Variants in ADAMTS17 observed in about 807,000 individuals in gnomAD.
The protein encoded by ADAMTS17 is A disintegrin and metalloproteinase with thrombospondin motifs 17.
A neutral mutation model predicts 141.5 loss-of-function variants in ADAMTS17; 113 were observed. That is an observed-to-expected ratio of 0.80 (90% CI 0.69 to 0.93). ADAMTS17 has a LOEUF of 0.93. ADAMTS17 is among the 40% of genes least tolerant of loss of function. The probability of loss-of-function intolerance (pLI) is 0.00; values close to 1 mark genes in which losing one functional copy is unlikely to be tolerated. For synonymous variants in ADAMTS17, 768 were observed against 630.6 expected, an observed-to-expected ratio of 1.22 and a Z score of -3.27; for missense variants, 1,659 against 1,517.9, an observed-to-expected ratio of 1.09 and a Z score of -1.54.
At chr15:100,290,371 T>C (rs1341122754) in intron 3 of ADAMTS17, among the ~76,000 whole-genome samples, 1 of 152,124 alleles carries the variant, frequency 6.6e-6, no homozygotes, top group Non-Finnish European at 1.5e-5. Context: ...CACAAACAAA[T>C]GGAAAATCAT....
intron 3 of ADAMTS17, among the ~76,000 whole-genome samples, chr15:100,330,284 A>G (rs920263890): frequency 8.5e-5 from 13 of 152,200 alleles, no homozygotes; most frequent in African/African-American, 1.9e-4. Context: ...GTGCATGGCA[A>G]GTTTTAAAGC....
Position 99,993,219 on chromosome 15 carries a change from A to G in ADAMTS17, c.2797-19T>C, listed in dbSNP as rs781616321. On this transcript the variant is annotated intron_variant, in intron 19 of 21. Transcript: ENST00000268070. The surrounding 1 kb of genome is among the most constrained non-coding windows in gnomAD (Gnocchi z 4.3). ...CAGAGCACTGCAAGACACCATTCAA[A>G]TATTTAACCGAGTTCCAATTCGATT... The G allele has an allele frequency of 6.2e-7, 1 of 1,614,054 alleles. No individual in the cohort carries two copies. The highest frequency in any genetic ancestry group is 8.5e-7 in the Non-Finnish European group (1 of 1,180,032).
intron 15 of ADAMTS17, among the ~76,000 whole-genome samples, chr15:100,070,609 C>CA (rs2033899262): frequency 6.7e-6 from 1 of 150,074 alleles, no homozygotes; most frequent in African/African-American, 2.5e-5. Context: ...TGCTCAACTA[C>CA]ATGGAAACTG....
chr15:100,109,997 G>A (rs1300381244), intron 13 of ADAMTS17, among the ~76,000 whole-genome samples: 2 of 151,880 alleles, frequency 1.3e-5, no homozygotes, highest in Non-Finnish European at 2.9e-5. Flanking sequence ...TATCTGAAGG[G>A]ATTTATTATA....
intron 8 of ADAMTS17, among the ~76,000 whole-genome samples, chr15:100,158,093 T>A (rs898586938): frequency 2.4e-4 from 36 of 152,182 alleles, no homozygotes; most frequent in African/African-American, 8.4e-4. Context: ...TTCACCATGT[T>A]GGCCAGGATG....
chr15:99,974,230 CAA>C lies in ADAMTS17; in HGVS notation c.*170_*171del. 2 of 759,642 alleles carry C rather than the reference CAA, an allele frequency of 2.6e-6. No homozygotes were observed. Among genetic ancestry groups the C allele is most frequent in the Non-Finnish European group, 4.3e-6 (2 of 469,076 alleles). The allele number at this position is 759,642 out of a possible 1,614,324, so 47.1% of individuals were successfully genotyped here. ...TAGAAAGCCAGCCAGTGGCTGTTAA[CAA>C]TATATTAAGTACGGAAGCACTAATG... On this transcript the variant is annotated 3_prime_UTR_variant, in exon 22 of 22. Coordinates refer to ENST00000268070, the MANE Select transcript of ADAMTS17 (RefSeq NM_139057.4).
chr15:100,030,795 C>A (rs896707220), intron 18 of ADAMTS17, among the ~76,000 whole-genome samples: 1 of 152,162 alleles, frequency 6.6e-6, no homozygotes, highest in Non-Finnish European at 1.5e-5. Context: ...TGCCCGCAAT[C>A]TTTTACTATC....
At chr15:100,101,341 TGGACAG>T (rs1215838118) in intron 14 of ADAMTS17, among the ~76,000 whole-genome samples, 3 of 152,240 alleles carry the variant, frequency 2.0e-5, no homozygotes, top group Middle Eastern at 3.2e-3. Flanking sequence ...GTCTGTATGT[TGGACAG>T]GGACAGGGAT....
chr15:100,116,799 A>C (rs1455889317), intron 13 of ADAMTS17, 48 bp downstream of exon 13: 2 of 1,613,094 alleles, frequency 1.2e-6, no homozygotes, highest in South Asian at 2.2e-5. Context: ...TTATATTCTT[A>C]GGGGAGGACA....
intron 15 of ADAMTS17, among the ~76,000 whole-genome samples, chr15:100,081,764 C>T (rs2141820693): frequency 6.6e-6 from 1 of 152,292 alleles, no homozygotes; most frequent in Admixed American, 6.5e-5. Context: ...TTTGCTAATC[C>T]ATTTGGTGAA....
intron 10 of ADAMTS17, among the ~76,000 whole-genome samples, chr15:100,141,663 G>A (rs4564540): frequency 6.6e-6 from 1 of 151,944 alleles, no homozygotes; most frequent in Non-Finnish European, 1.5e-5. Context: ...CCTGGCTGGG[G>A]TTGGGGGCTG....
rs189068458 is a variant in ADAMTS17, at chr15:100,026,363, T to C, written c.2591+22494A>G. 4.5e-3 allele frequency among the ~76,000 whole-genome samples: 687 copies of C among 152,348 alleles called. 7 individuals are homozygous for C. Among genetic ancestry groups the C allele is most frequent in the African/African-American group, 0.016 (651 of 41,584 alleles). ...ACTGTGCTGAACATTCTTGTACATGTCTTGTACAACTTGCTGGCATACACC... is the reference window on the plus strand; with the variant it reads ...ACTGTGCTGAACATTCTTGTACATGCCTTGTACAACTTGCTGGCATACACC... On this transcript the variant is annotated intron_variant, in intron 18 of 21. Transcript: ENST00000268070.
At chr15:100,188,611 C>G (rs2040808473) in intron 8 of ADAMTS17, among the ~76,000 whole-genome samples, 1 of 152,164 alleles carries the variant, frequency 6.6e-6, no homozygotes, top group South Asian at 2.1e-4. Flanking sequence ...TCAAGTTTAG[C>G]CAAAAATGTA....
At chr15:100,125,530 C>T (rs1346291548) in intron 12 of ADAMTS17, among the ~76,000 whole-genome samples, 3 of 152,188 alleles carry the variant, frequency 2.0e-5, no homozygotes, top group Non-Finnish European at 2.9e-5. Flanking sequence ...ACTCCACTCT[C>T]CTGCCCCTGC....
At chr15:100,135,877 G>C (rs2038303007) in intron 10 of ADAMTS17, among the ~76,000 whole-genome samples, 1 of 152,174 alleles carries the variant, frequency 6.6e-6, no homozygotes, top group Non-Finnish European at 1.5e-5. Context: ...CATTAGATTA[G>C]ATACCTTGAC....
At chr15:100,101,215 C>T (rs2036078419) in intron 14 of ADAMTS17, among the ~76,000 whole-genome samples, 1 of 152,222 alleles carries the variant, frequency 6.6e-6, no homozygotes, top group African/African-American at 2.4e-5. Flanking sequence ...AATGCCATGC[C>T]ACCTGCTCAC....
chr15:100,104,168 G>A (rs1428494618), intron 14 of ADAMTS17, among the ~76,000 whole-genome samples: 2 of 152,176 alleles, frequency 1.3e-5, no homozygotes, highest in African/African-American at 2.4e-5. Flanking sequence ...AGCTGGACTC[G>A]CTCATTGCAT....
rs191550310 is a variant in ADAMTS17 at position 100,146,715 on chromosome 15, G to A, written c.1473+5897C>T. On this transcript the variant is annotated intron_variant, in intron 10 of 21. Transcript: ENST00000268070. The stretch of plus-strand genomic sequence containing the variant: ...TTCAAAAGCAAATGGGAGAAGTATC[G>A]CTGAATTATTTTTCTTAGCAAGGAA... Among the ~76,000 whole-genome samples the A allele has an allele frequency of 3.9e-3, 600 of 152,362 alleles. 13 individuals are homozygous for A. Among genetic ancestry groups the A allele is most frequent in the Non-Finnish European group, 6.8e-4 (46 of 68,038 alleles).
intron 6 of ADAMTS17, chr15:100,256,547 T>C (rs543297323): frequency 2.6e-5 from 4 of 152,304 alleles, no homozygotes; most frequent in South Asian, 4.1e-4. Flanking sequence ...TCAAGTTCCA[T>C]GGATACTTGC....
Sources: allele counts gnomAD v4.1 joint callset (sites outside exome capture counted in the v4.1 genomes callset), GRCh38; gene constraint gnomAD v4.1.1; non-coding constraint Gnocchi (gnomAD v3.1); transcripts MANE v1.5; gene names NCBI Gene and HGNC (gene_info 2026-07-23, HGNC 2026-07-21).